ROBO1: variants seen among roughly 807,000 people sequenced by gnomAD.
ROBO1 encodes the protein roundabout homolog 1.
Under a neutral mutation model 195.9 loss-of-function variants are expected in ROBO1, and 149 were observed. The ratio of observed to expected loss-of-function variants is 0.76; its 90% CI spans 0.67 to 0.87. The LOEUF is 0.87. Ranked by LOEUF, ROBO1 falls within the 40% of genes least tolerant of loss-of-function variation. ROBO1 has a pLI of 0.00. For synonymous variants in ROBO1, 816 were observed against 733.2 expected (o/e 1.11, Z -1.82); for missense variants, 1,933 against 2,068.3 (o/e 0.93, Z 1.27).
intron 3 of ROBO1, among the ~76,000 whole-genome samples, chr3:79,033,253 G>A (rs895426288): frequency 2.0e-5 from 3 of 152,036 alleles, no homozygotes; most frequent in African/African-American, 7.2e-5. Flanking sequence ...TGGCACATTT[G>A]TGGAATATTT....
chr3:78,932,545 C>A (rs1333392175), intron 4 of ROBO1, among the ~76,000 whole-genome samples: 1 of 152,146 alleles, frequency 6.6e-6, no homozygotes, highest in East Asian at 1.9e-4. Flanking sequence ...TGTTTTGTAG[C>A]ATCCAATCTA....
chr3:79,691,205 A>G (rs1460330219), intron 1 of ROBO1, among the ~76,000 whole-genome samples: 1 of 151,782 alleles, frequency 6.6e-6, no homozygotes, highest in African/African-American at 2.4e-5. Context: ...TAGCAGTGAC[A>G]TTTCTAATGC....
At chr3:79,343,000 A>G (rs1380280124) in intron 2 of ROBO1, among the ~76,000 whole-genome samples, 3 of 152,228 alleles carry the variant, frequency 2.0e-5, no homozygotes, top group South Asian at 2.1e-4. Flanking sequence ...GACTCCACCT[A>G]TTTATCCATT....
intron 2 of ROBO1, among the ~76,000 whole-genome samples, chr3:79,417,830 G>C (rs1243900557): frequency 3.9e-5 from 6 of 152,106 alleles, no homozygotes; most frequent in Non-Finnish European, 8.8e-5. Flanking sequence ...GTGTTTTTAA[G>C]TGAGACATTT....
At chr3:78,962,517 C>T (rs2041409403) in intron 3 of ROBO1, among the ~76,000 whole-genome samples, 1 of 152,022 alleles carries the variant, frequency 6.6e-6, no homozygotes, top group African/African-American at 2.4e-5. Flanking sequence ...AACACTCCTC[C>T]GCCTTGTCAT....
At chr3:78,753,491 G>C (rs1282696135) in intron 4 of ROBO1, among the ~76,000 whole-genome samples, 1 of 152,164 alleles carries the variant, frequency 6.6e-6, no homozygotes, top group African/African-American at 2.4e-5. Flanking sequence ...ATGTGTTCTA[G>C]AGAAAAGTGT....
At chr3:79,208,528 C>T (rs192317964) in intron 2 of ROBO1, among the ~76,000 whole-genome samples, 1 of 152,176 alleles carries the variant, frequency 6.6e-6, no homozygotes, top group East Asian at 1.9e-4. Context: ...GAAGGATTTC[C>T]ACAGACGGTG....
intron 2 of ROBO1, among the ~76,000 whole-genome samples, chr3:79,497,850 G>A (rs1939833902): frequency 6.6e-6 from 1 of 152,010 alleles, no homozygotes; most frequent in African/African-American, 2.4e-5. Flanking sequence ...GATAGGTTTG[G>A]TATTTTTAAA....
chr3:78,758,719 T>C (rs577179934), intron 4 of ROBO1, among the ~76,000 whole-genome samples: 28 of 152,206 alleles, frequency 1.8e-4, no homozygotes, highest in African/African-American at 6.5e-4. Flanking sequence ...TTCATGGAAA[T>C]AGAGTGTTTA....
intron 10 of ROBO1, among the ~76,000 whole-genome samples, chr3:78,671,595 TAAA>T (rs550299173): frequency 7.3e-6 from 1 of 136,374 alleles, no homozygotes; most frequent in African/African-American, 2.7e-5. Flanking sequence ...GCATGCAAAC[TAAA>T]AAAAAAAAAA....
chr3:79,212,366 C>T (rs2081981915), intron 2 of ROBO1, among the ~76,000 whole-genome samples: 1 of 152,178 alleles, frequency 6.6e-6, no homozygotes. Flanking sequence ...TCATGTTTTT[C>T]ATTTATGCAG....
chr3:79,611,443 T>A (rs1170904879), intron 1 of ROBO1, among the ~76,000 whole-genome samples: 1 of 152,050 alleles, frequency 6.6e-6, no homozygotes, highest in Non-Finnish European at 1.5e-5. Flanking sequence ...ATTTGGAATT[T>A]AAATATGAGA....
intron 4 of ROBO1, among the ~76,000 whole-genome samples, chr3:78,861,006 A>G (rs2034802699): frequency 6.6e-6 from 1 of 152,102 alleles, no homozygotes; most frequent in Admixed American, 6.5e-5. Context: ...TAACTTTTTC[A>G]TTAAATGACC....
intron 2 of ROBO1, among the ~76,000 whole-genome samples, chr3:79,283,114 G>A (rs2031635484): frequency 6.6e-6 from 1 of 152,136 alleles, no homozygotes; most frequent in African/African-American, 2.4e-5. Flanking sequence ...ATAATTCTTT[G>A]TACCTAATTA....
chr3:78,603,425 C>T (rs1674043767), intron 29 of ROBO1, among the ~76,000 whole-genome samples: 1 of 152,068 alleles, frequency 6.6e-6, no homozygotes, highest in South Asian at 2.1e-4. Flanking sequence ...ATACTGAACA[C>T]AAAAATATCT....
At chr3:79,599,134 T>A (rs1226109663) in intron 1 of ROBO1, among the ~76,000 whole-genome samples, 1 of 152,052 alleles carries the variant, frequency 6.6e-6, no homozygotes, top group Admixed American at 6.6e-5. Flanking sequence ...AAATAATTAT[T>A]TTATCACTAC....
At chr3:78,848,211 TATTTATCTACTTTTAA>T in intron 4 of ROBO1, among the ~76,000 whole-genome samples, 1 of 152,320 alleles carries the variant, frequency 6.6e-6, no homozygotes, top group East Asian at 1.9e-4. Context: ...TTATTTAACT[TATTTATCTACTTTTAA>T]AAGTAGAAAT....
chr3:79,509,546 C>T (rs180750676), intron 2 of ROBO1, among the ~76,000 whole-genome samples: 18 of 152,142 alleles, frequency 1.2e-4, no homozygotes, highest in Admixed American at 7.9e-4. Context: ...AAAATATTTC[C>T]GCCTTAATAC....
chr3:78,991,267 A>G (rs993028744), intron 3 of ROBO1, among the ~76,000 whole-genome samples: 1 of 152,152 alleles, frequency 6.6e-6, no homozygotes, highest in African/African-American at 2.4e-5. Flanking sequence ...TATTAGTACA[A>G]TTTGAACATG....
Sources: allele counts gnomAD v4.1 joint callset (sites outside exome capture counted in the v4.1 genomes callset), GRCh38; gene constraint gnomAD v4.1.1; transcripts MANE v1.5; gene names NCBI Gene and HGNC (gene_info 2026-07-23, HGNC 2026-07-21).